ZDHHC14: variants seen among roughly 807,000 people sequenced by gnomAD.
ZDHHC14 encodes zDHHC palmitoyltransferase 14.
A neutral mutation model predicts 47.7 loss-of-function variants in ZDHHC14; 16 were observed. That is an observed-to-expected ratio of 0.34 (90% CI 0.23 to 0.51). The LOEUF (loss-of-function observed/expected upper bound fraction) is 0.51. ZDHHC14 is among the 20% of genes least tolerant of loss of function. ZDHHC14 has a pLI of 0.97. For synonymous variants in ZDHHC14, 293 were observed against 278.9 expected (o/e 1.05, Z -0.50); for missense variants, 515 against 662.5 (o/e 0.78, Z 2.44).
intron 1 of ZDHHC14, among the ~76,000 whole-genome samples, chr6:157,482,240 G>A (rs553950330): frequency 1.3e-5 from 2 of 150,250 alleles, no homozygotes; most frequent in South Asian, 2.1e-4. Flanking sequence ...GACACCTAAC[G>A]TCTATATTTC....
intron 2 of ZDHHC14, among the ~76,000 whole-genome samples, chr6:157,572,513 C>T (rs1236954559): frequency 6.6e-6 from 1 of 152,012 alleles, no homozygotes; most frequent in East Asian, 1.9e-4. Context: ...TATTATTATA[C>T]TTTAAGTTTT....
intron 1 of ZDHHC14, among the ~76,000 whole-genome samples, chr6:157,484,788 A>G (rs1014393828): frequency 7.9e-5 from 12 of 152,162 alleles, no homozygotes; most frequent in Non-Finnish European, 1.5e-4. Flanking sequence ...AACACAATTG[A>G]AGAAAACCAT....
In ZDHHC14 at chr6:157,661,559, T is replaced by C. The variant is rs79360380; in HGVS notation, c.1068+7932T>C. 8.4e-3 allele frequency among the ~76,000 whole-genome samples: 1,279 copies of C among 152,320 alleles called. 26 individuals carry two copies. The highest frequency in any genetic ancestry group is 0.029 in the African/African-American group (1,202 of 41,558). On this transcript the variant is annotated intron_variant, in intron 8 of 8. Coordinates refer to ENST00000359775, the MANE Select transcript of ZDHHC14 (RefSeq NM_024630.3). ...CTGAAAGATGATGGAAGGAAAAGCT[T>C]TGCAAATAGCTTATGCAGTGGGGAG... is the stretch of plus-strand genomic sequence containing the variant.
Position 157,645,752 on chromosome 6 carries a change from G to A in ZDHHC14, c.768G>A (p.Val256=). 1 of 1,613,976 alleles carries A rather than the reference G, an allele frequency of 6.2e-7. No individual in the cohort carries two copies. The highest frequency in any genetic ancestry group is 8.5e-7 in the Non-Finnish European group (1 of 1,180,010). Residue 256 remains valine, a synonymous_variant, in exon 6 of 9, where the codon GTG becomes GTA. Transcript: ENST00000359775. ...CTCGCATCACCGTCCTGGAGGCTGT[G>A]GTGTGCTTCTTCTCTGTCTGGTCCA... ...KDSPASVLEA[V]VCFFSVWSIV...
At chr6:157,600,562 C>T (rs974118421) in intron 3 of ZDHHC14, among the ~76,000 whole-genome samples, 3 of 152,140 alleles carry the variant, frequency 2.0e-5, no homozygotes, top group Admixed American at 6.5e-5. Context: ...TGCACCACCA[C>T]GCCTGGCTAA....
intron 1 of ZDHHC14, among the ~76,000 whole-genome samples, chr6:157,434,271 T>G (rs552660308): frequency 2.7e-5 from 4 of 150,914 alleles, no homozygotes; most frequent in Non-Finnish European, 5.9e-5. Flanking sequence ...GTCACTGAAC[T>G]ATTCTGATGT....
At chr6:157,650,944 C>A (rs1204041762) in intron 7 of ZDHHC14, among the ~76,000 whole-genome samples, 1 of 152,046 alleles carries the variant, frequency 6.6e-6, no homozygotes, top group Non-Finnish European at 1.5e-5. Context: ...TCTGAGAGCA[C>A]CTGACTGAGA....
intron 5 of ZDHHC14, among the ~76,000 whole-genome samples, chr6:157,640,504 C>A (rs879264939): frequency 6.6e-6 from 1 of 152,172 alleles, no homozygotes; most frequent in Non-Finnish European, 1.5e-5. Context: ...ACTTGTCCAT[C>A]CTGATACCTG....
intron 1 of ZDHHC14, among the ~76,000 whole-genome samples, chr6:157,408,027 A>T (rs139494538): frequency 6.6e-6 from 1 of 152,356 alleles, no homozygotes; most frequent in East Asian, 1.9e-4. Flanking sequence ...AAGTAGACTC[A>T]AGAAGGAGTT....
intron 3 of ZDHHC14, among the ~76,000 whole-genome samples, chr6:157,602,084 C>T (rs1006580504): frequency 6.6e-6 from 1 of 151,982 alleles, no homozygotes; most frequent in Admixed American, 6.6e-5. Context: ...CCCCTGTAAT[C>T]CCAGCTACTA....
chr6:157,639,098 C>T (rs1362575044), intron 5 of ZDHHC14, among the ~76,000 whole-genome samples: 2 of 152,246 alleles, frequency 1.3e-5, no homozygotes, highest in Admixed American at 6.5e-5. Context: ...GTCTGCCCTG[C>T]ATCGTGTGAG....
intron 1 of ZDHHC14, among the ~76,000 whole-genome samples, chr6:157,499,098 AT>A (rs1192053830): frequency 6.6e-6 from 1 of 152,130 alleles, no homozygotes; most frequent in East Asian, 1.9e-4. Flanking sequence ...TTTTAATCCC[AT>A]TTGCCCCCTG....
At chr6:157,628,118 T>C (rs970866884) in intron 3 of ZDHHC14, among the ~76,000 whole-genome samples, 1 of 152,238 alleles carries the variant, frequency 6.6e-6, no homozygotes, top group African/African-American at 2.4e-5. Flanking sequence ...TTGAGAAGAA[T>C]GCATATGCTT....
intron 3 of ZDHHC14, among the ~76,000 whole-genome samples, chr6:157,614,486 C>CA (rs926839983): frequency 1.3e-5 from 2 of 152,080 alleles, no homozygotes; most frequent in African/African-American, 4.8e-5. Flanking sequence ...AGAAAAGCCC[C>CA]AAGGCTCTCC....
At chr6:157,396,304 G>C (rs1050702954) in intron 1 of ZDHHC14, among the ~76,000 whole-genome samples, 1 of 152,080 alleles carries the variant, frequency 6.6e-6, no homozygotes, top group African/African-American at 2.4e-5. Context: ...ATGACTCCTA[G>C]CAAGCTGATC....
intron 1 of ZDHHC14, among the ~76,000 whole-genome samples, chr6:157,532,079 G>A (rs912448047): frequency 3.3e-5 from 5 of 152,218 alleles, no homozygotes; most frequent in Admixed American, 1.3e-4. Context: ...GGAAGGAGCC[G>A]CTGGGGGAGG....
chr6:157,645,980 T>G, intron 6 of ZDHHC14, 141 bp downstream of exon 6: 3 of 658,652 alleles, frequency 4.6e-6, no homozygotes, highest in Non-Finnish European at 2.5e-6. Flanking sequence ...GACGGTGCCG[T>G]GGAAACTTCT....
intron 1 of ZDHHC14, among the ~76,000 whole-genome samples, chr6:157,462,010 A>G (rs759552116): frequency 2.0e-5 from 3 of 152,214 alleles, no homozygotes; most frequent in East Asian, 1.9e-4. Flanking sequence ...ATCCTGGTCT[A>G]TCATGCGACG....
At chr6:157,665,352 C>T (rs1426662359) in intron 8 of ZDHHC14, among the ~76,000 whole-genome samples, 2 of 152,062 alleles carry the variant, frequency 1.3e-5, no homozygotes, top group African/African-American at 4.8e-5. Context: ...CTGAGTTAGC[C>T]GTGGGGTGTG....
Sources: gnomAD v4.1 joint callset for allele counts (sites outside exome capture counted in the v4.1 genomes callset) on GRCh38, gnomAD v4.1.1 for gene constraint, MANE v1.5 for transcripts, NCBI Gene and HGNC (gene_info 2026-07-23, HGNC 2026-07-21) for gene names.